The following TBC1D8 variants were observed in gnomAD, a reference collection of about 807,000 sequenced individuals.
TBC1D8 encodes the protein TBC1 domain family member 8, also known as BUB2-like protein 1.
In TBC1D8, 65 loss-of-function variants were observed where a neutral mutation model predicts 118.8. That is an observed-to-expected ratio of 0.55 (90% confidence interval 0.45 to 0.67). The LOEUF is 0.67. TBC1D8 is among the 30% of genes least tolerant of loss of function. TBC1D8 has a pLI of 0.00. For missense variants in TBC1D8, 1,376 were observed against 1,471.2 expected, an observed-to-expected ratio of 0.94 and a Z score of 1.06; for synonymous variants, 566 against 595.8, an observed-to-expected ratio of 0.95 and a Z score of 0.73.
At chr2:101,123,784 A>G (rs571744462) in intron 1 of TBC1D8, among the ~76,000 whole-genome samples, 3 of 152,314 alleles carry the variant, frequency 2.0e-5, no homozygotes, top group African/African-American at 7.2e-5. Flanking sequence ...GAACAGCCAC[A>G]TGGAGAAAAC....
In TBC1D8 at chr2:101,011,103, G is replaced by A. The variant is rs1267374697; in HGVS notation, c.2918-77C>T. 3.6e-6 allele frequency: 5 copies of A among 1,371,508 alleles called. No homozygotes were observed. In the East Asian group the frequency reaches 1.1e-4, roughly 31 times the overall value. The allele number at this position is 1,371,508 out of a possible 1,614,324, so 85.0% of individuals were successfully genotyped here. On this transcript the variant is annotated intron_variant, in intron 18 of 19. Transcript: ENST00000409318. Reference sequence around the variant, plus strand: ...AGCAAAAAGGAAACTATGTAGGAGAGAGGAGCAAGGGGGTGAGGAATTCCA... The same window carrying A: ...AGCAAAAAGGAAACTATGTAGGAGAAAGGAGCAAGGGGGTGAGGAATTCCA...
At chr2:101,100,071 G>A (rs1676727693) in intron 1 of TBC1D8, among the ~76,000 whole-genome samples, 1 of 152,154 alleles carries the variant, frequency 6.6e-6, no homozygotes, top group African/African-American at 2.4e-5. Context: ...AAATCAAGTT[G>A]TCTCTGTTTA....
At chr2:101,046,295 T>G (rs1469609352) in intron 5 of TBC1D8, among the ~76,000 whole-genome samples, 1 of 152,138 alleles carries the variant, frequency 6.6e-6, no homozygotes, top group East Asian at 1.9e-4. Flanking sequence ...GGCCCCTCAT[T>G]CCTTTGGAAA....
intron 17 of TBC1D8, among the ~76,000 whole-genome samples, chr2:101,020,087 AAGAC>A (rs1325640807): frequency 4.6e-5 from 7 of 151,996 alleles, no homozygotes; most frequent in Non-Finnish European, 5.9e-5. Flanking sequence ...AAAAAAAAAA[AAGAC>A]AGTTAGATGA....
At chr2:101,032,696 C>T (rs1479042140) in intron 10 of TBC1D8, 3 of 290,312 alleles carry the variant, frequency 1.0e-5, no homozygotes, top group Non-Finnish European at 2.0e-5. Flanking sequence ...AGCAGACACA[C>T]ACATGCACAC....
intron 17 of TBC1D8, among the ~76,000 whole-genome samples, chr2:101,016,273 A>G (rs1464025544): frequency 6.6e-6 from 1 of 152,234 alleles, no homozygotes; most frequent in African/African-American, 2.4e-5. Context: ...GGATATGAAC[A>G]GACACTTCTC....
chr2:101,134,633 C>T (rs1178139338), intron 1 of TBC1D8, among the ~76,000 whole-genome samples: 1 of 152,094 alleles, frequency 6.6e-6, no homozygotes, highest in Non-Finnish European at 1.5e-5. Context: ...TGGTGACTGT[C>T]CCTCTTCTTA....
chr2:101,114,320 T>C (rs1305868840), intron 1 of TBC1D8, among the ~76,000 whole-genome samples: 1 of 151,848 alleles, frequency 6.6e-6, no homozygotes, highest in Admixed American at 6.6e-5. Flanking sequence ...AGTGCACATA[T>C]AAGGGGGTGC....
At chr2:101,055,025 TAAA>T (rs1682337486) in intron 3 of TBC1D8, among the ~76,000 whole-genome samples, 1 of 151,862 alleles carries the variant, frequency 6.6e-6, no homozygotes, top group Non-Finnish European at 1.5e-5. Flanking sequence ...CATATGAGGG[TAAA>T]AGGACTGGCT....
In TBC1D8 at chr2:101,021,533, A is replaced by T. The variant is rs1446598853; in HGVS notation, c.2827+148T>A. ...CAGAGCTGTGCAGCACAGAACTCCAAACCTGTGACCTGAAACCCCAAGCCA... is the reference window on the plus strand; with the variant it reads ...CAGAGCTGTGCAGCACAGAACTCCATACCTGTGACCTGAAACCCCAAGCCA... On this transcript the variant is annotated intron_variant, in intron 17 of 19. Coordinates refer to ENST00000409318, the MANE Select transcript of TBC1D8 (RefSeq NM_001330348.2). 9.9e-6 allele frequency: 6 copies of T among 606,852 alleles called. No homozygotes were observed. The African/African-American group carries it at 1.1e-4, about 11-fold the overall frequency. The allele number at this position is 606,852 out of a possible 1,614,324, so 37.6% of individuals were successfully genotyped here.
At chr2:101,025,212 C>CT (rs11354323) in intron 15 of TBC1D8, among the ~76,000 whole-genome samples, 14,023 of 147,846 alleles carry the variant, frequency 0.095, 859 homozygotes, top group Non-Finnish European at 0.14. Context: ...ACAATAGGCC[C>CT]TTTTTTTTTT....
At chr2:101,116,570 C>T (rs1014008511) in intron 1 of TBC1D8, among the ~76,000 whole-genome samples, 4 of 152,062 alleles carry the variant, frequency 2.6e-5, no homozygotes, top group Non-Finnish European at 5.9e-5. Flanking sequence ...CCCCATACCT[C>T]AGAATGTTAC....
At chr2:101,029,935 G>A in intron 11 of TBC1D8, 159 bp from the exon 12 acceptor site, 2 of 686,134 alleles carry the variant, frequency 2.9e-6, no homozygotes, top group Admixed American at 3.1e-5. Flanking sequence ...TTTAGACCAA[G>A]GTAATTCAAT....
chr2:101,037,575 G>A lies in TBC1D8; in HGVS notation c.1409C>T (p.Thr470Ile). The A allele has an allele frequency of 6.2e-7, 1 of 1,613,232 alleles. No individual in the cohort carries two copies. The highest frequency in any genetic ancestry group is 8.5e-7 in the Non-Finnish European group (1 of 1,179,898). The change falls in exon 8 of 20, where the codon ACC becomes ATC. Residue 470 changes from threonine to isoleucine, a missense_variant. By Grantham distance (89) the Thr-to-Ile change is moderately conservative. Transcript: ENST00000409318. Reference sequence around the variant, plus strand: ...CTGGCTGCCTGACTGCTGGAAGGCGGTGACCAGGGCATCGGGGTGCATCAG... The same window carrying A: ...CTGGCTGCCTGACTGCTGGAAGGCGATGACCAGGGCATCGGGGTGCATCAG... The part of the protein sequence containing the change: ...SPLMHPDALV[T>I]AFQQSGSQSP...
chr2:101,066,765 C>T (rs1354812682), intron 2 of TBC1D8, among the ~76,000 whole-genome samples: 1 of 151,868 alleles, frequency 6.6e-6, no homozygotes, highest in Non-Finnish European at 1.5e-5. Context: ...GCCAACGTGG[C>T]GAAACCCCGT....
intron 19 of TBC1D8, among the ~76,000 whole-genome samples, chr2:101,009,269 G>A (rs1678994162): frequency 6.6e-6 from 1 of 152,020 alleles, no homozygotes; most frequent in Non-Finnish European, 1.5e-5. Flanking sequence ...AGCCGGGCTT[G>A]GTGGCGGGCG....
In TBC1D8 at chr2:101,090,432, G is replaced by GC; in HGVS notation, c.128-69dup. 1.9e-6 allele frequency: 3 copies of GC among 1,553,108 alleles called. No homozygotes were observed. In the South Asian group the frequency reaches 3.4e-5, roughly 18 times the overall value. On this transcript the variant is annotated intron_variant, in intron 1 of 19. Coordinates refer to ENST00000409318, the MANE Select transcript of TBC1D8 (RefSeq NM_001330348.2). The stretch of plus-strand genomic sequence containing the variant: ...CTGGCCAGCTCCTCATGCGTGTGAG[G>GC]CATGTGGTCGCTGTCTGGACTCCAT...
At chr2:101,134,197 TCA>T (rs59427291) in intron 1 of TBC1D8, among the ~76,000 whole-genome samples, 3,613 of 73,016 alleles carry the variant, frequency 0.049, 66 homozygotes, top group African/African-American at 0.11. Context: ...TCTCTCTCTC[TCA>T]CACACACACA....
chr2:101,045,102 C>T lies in TBC1D8; in HGVS notation c.873-4717G>A, dbSNP rs149732000. Among the ~76,000 whole-genome samples the T allele has an allele frequency of 5.7e-3, 870 of 152,146 alleles. 2 individuals are homozygous for T. The highest frequency in any genetic ancestry group is 9.1e-3 in the Non-Finnish European group (620 of 67,992). On this transcript the variant is annotated intron_variant, in intron 5 of 19. Transcript: ENST00000409318. ...AAGGAGGGAATAAATGTGGGTCAAC[C>T]CGACTCTGGAACAACAAACATCAGA...
Sources: allele counts gnomAD v4.1 joint callset (sites outside exome capture counted in the v4.1 genomes callset), GRCh38; gene constraint gnomAD v4.1.1; transcripts MANE v1.5; gene names NCBI Gene and HGNC (gene_info 2026-07-23, HGNC 2026-07-21).